ABR: variants seen among roughly 807,000 people sequenced by gnomAD.
ABR encodes the protein ABR activator of RhoGEF and GTPase.
A neutral mutation model predicts 107.2 loss-of-function variants in ABR; 35 were observed. The ratio of observed to expected loss-of-function variants is 0.33; its 90% CI spans 0.25 to 0.43. The LOEUF (loss-of-function observed/expected upper bound fraction) is 0.43. ABR is among the 20% of genes least tolerant of loss of function. The probability of loss-of-function intolerance (pLI) is 1.00; values close to 1 mark genes in which losing one functional copy is unlikely to be tolerated. For synonymous variants in ABR, 498 were observed against 462.0 expected, an observed-to-expected ratio of 1.08 and a Z score of -1.00; for missense variants, 815 against 1,115.2, an observed-to-expected ratio of 0.73 and a Z score of 3.83.
chr17:1,017,304 G>T (rs2071236372), intron 16 of ABR, among the ~76,000 whole-genome samples: 1 of 151,950 alleles, frequency 6.6e-6, no homozygotes, highest in Non-Finnish European at 1.5e-5. Context: ...CACACAGGCT[G>T]TCCCTCGTAG....
chr17:1,091,265 G>T (rs990945619), intron 4 of ABR, among the ~76,000 whole-genome samples: 1 of 152,092 alleles, frequency 6.6e-6, no homozygotes, highest in Non-Finnish European at 1.5e-5. Context: ...TTCCAGGGCT[G>T]GTTCCTCAGA....
intron 2 of ABR, among the ~76,000 whole-genome samples, chr17:1,101,792 G>A (rs917633702): frequency 2.7e-5 from 4 of 150,772 alleles, no homozygotes; most frequent in South Asian, 2.1e-4. Context: ...AGAGTGCAGT[G>A]GCGCGATCTC....
rs367705703 is a variant in ABR at position 1,211,974 on chromosome 17, C to T, written c.838+16819G>A. ...GCACAAGCCTGTAATCCCAGCTACTCGGGAGGCTGAGGCACAAGAATTGCT... is the reference window on the plus strand; with the variant it reads ...GCACAAGCCTGTAATCCCAGCTACTTGGGAGGCTGAGGCACAAGAATTGCT... On this transcript the variant is annotated intron_variant, in intron 1 of 22. Transcript: ENST00000574139. Among the ~76,000 whole-genome samples, 215 of 151,446 alleles carry T rather than the reference C, an allele frequency of 1.4e-3. 3 individuals are homozygous for T. The highest frequency in any genetic ancestry group is 4.1e-3 in the African/African-American group (168 of 41,186).
At position 1,057,006 on chromosome 17, in the gene ABR, T is replaced by C. The variant is rs1231868390; in HGVS notation, c.1478A>G (p.Asn493Ser). 6.2e-7 allele frequency: 1 copy of C among 1,607,260 alleles called. No homozygotes were observed. Among genetic ancestry groups the C allele is most frequent in the East Asian group, 2.2e-5 (1 of 44,642 alleles). Residue 493 changes from asparagine (N) to serine (S), a missense_variant, in exon 13 of 23, where the codon AAT becomes AGT. This residue lies in a region of ABR where 385 missense variants were observed against 596.9 expected (regional missense o/e 0.64). Coordinates refer to ENST00000302538, the MANE Select transcript of ABR (RefSeq NM_021962.5). ...CTGGTTCCCGAGCTTACCGTCTTTATTGCTGGTGACAGGAATGTTGTGTAC... is the reference window on the plus strand; with the variant it reads ...CTGGTTCCCGAGCTTACCGTCTTTACTGCTGGTGACAGGAATGTTGTGTAC... ...RTVHNIPVTS[N>S]KDDDESPGLY...
At chr17:1,083,661 A>AGGGT in intron 4 of ABR, 34 bp from the exon 5 acceptor site, 3 of 952,096 alleles carry the variant, frequency 3.2e-6, no homozygotes, top group Non-Finnish European at 4.9e-6. Flanking sequence ...GAGGGAGAGG[A>AGGGT]GGGTGGGAGG....
chr17:1,194,873 G>C (rs535492318), intron 1 of ABR, among the ~76,000 whole-genome samples: 1 of 89,758 alleles, frequency 1.1e-5, no homozygotes, highest in African/African-American at 3.4e-5. Flanking sequence ...GACTGGTCTC[G>C]AACTCCTGAC....
upstream of ABR, among the ~76,000 whole-genome samples, chr17:1,184,324 G>A (rs770337675): frequency 1.6e-4 from 24 of 151,976 alleles, no homozygotes; most frequent in Admixed American, 1.1e-3. Flanking sequence ...GCATGGTGGC[G>A]GGCGCCTGTA....
At chr17:1,227,953 ACTAAGAT>A (rs1439929264) in intron 1 of ABR, among the ~76,000 whole-genome samples, 1 of 152,198 alleles carries the variant, frequency 6.6e-6, no homozygotes, top group Non-Finnish European at 1.5e-5. Flanking sequence ...TTCAAAGATG[ACTAAGAT>A]CAGGCCCTGT....
At chr17:1,158,396 G>A (rs894970836) in intron 1 of ABR, among the ~76,000 whole-genome samples, 2 of 149,786 alleles carry the variant, frequency 1.3e-5, no homozygotes, top group East Asian at 2.1e-4. Flanking sequence ...GCGCCCAGCC[G>A]TCTCGTTAGT....
chr17:1,064,497 T>C (rs868558431), intron 10 of ABR, among the ~76,000 whole-genome samples: 1 of 114,678 alleles, frequency 8.7e-6, no homozygotes, highest in African/African-American at 3.1e-5. Flanking sequence ...TAGACACTGT[T>C]GTTATGTGAA....
chr17:1,155,973 AAG>A (rs1482839296), intron 1 of ABR: 45 of 151,178 alleles, frequency 3.0e-4, no homozygotes, highest in Non-Finnish European at 6.5e-4. Context: ...AAAAAAAAAA[AAG>A]GATAGGGTGG....
chr17:1,006,737 C>A (rs1411815772), intron 22 of ABR, among the ~76,000 whole-genome samples: 1 of 152,082 alleles, frequency 6.6e-6, no homozygotes. Context: ...GCTGGTCTCA[C>A]CCTCCGCCAG....
chr17:1,025,380 C>A (rs2072110016), intron 16 of ABR, among the ~76,000 whole-genome samples: 2 of 152,220 alleles, frequency 1.3e-5, no homozygotes, highest in African/African-American at 4.8e-5. Flanking sequence ...GTAAGTGTCA[C>A]CTCAGTTGCG....
At chr17:1,201,016 G>C (rs983201351) in intron 1 of ABR, among the ~76,000 whole-genome samples, 3 of 152,186 alleles carry the variant, frequency 2.0e-5, no homozygotes, top group Non-Finnish European at 2.9e-5. Context: ...AAGGAGGATG[G>C]GGGGAGGAAA....
chr17:1,161,400 C>A (rs931183068), intron 1 of ABR, among the ~76,000 whole-genome samples: 1 of 119,196 alleles, frequency 8.4e-6, no homozygotes, highest in African/African-American at 3.5e-5. Flanking sequence ...TTCCACCACA[C>A]CTGGCTAATT....
Position 1,179,481 on chromosome 17 carries a change from G to A in ABR, c.61+186C>T, listed in dbSNP as rs1219096320. On this transcript the variant is annotated intron_variant, in intron 1 of 22. Transcript: ENST00000302538. The surrounding 1 kb of genome is among the most constrained non-coding windows in gnomAD (Gnocchi z 4.9). ...AGCCCGGCTCCTGGGTCCCGACCCCGATCCCGATTCCCAACCCGACCCCGA... is the reference window on the plus strand; with the variant it reads ...AGCCCGGCTCCTGGGTCCCGACCCCAATCCCGATTCCCAACCCGACCCCGA... Among the ~76,000 whole-genome samples the A allele has an allele frequency of 6.7e-6, 1 of 149,672 alleles. No individual in the cohort carries two copies. The highest frequency in any genetic ancestry group is 1.5e-5 in the Non-Finnish European group (1 of 67,448).
intron 1 of ABR, among the ~76,000 whole-genome samples, chr17:1,158,240 T>G (rs2041122767): frequency 1.3e-5 from 2 of 151,950 alleles, no homozygotes; most frequent in African/African-American, 4.8e-5. Flanking sequence ...TTCTTTTTAT[T>G]CTTTTTTTAA....
intron 16 of ABR, among the ~76,000 whole-genome samples, chr17:1,021,541 C>T (rs975151715): frequency 4.6e-5 from 7 of 152,230 alleles, no homozygotes; most frequent in African/African-American, 7.2e-5. Flanking sequence ...TGCGGTGGCT[C>T]ACGCCTGTCA....
At chr17:1,031,370 G>A (rs867692838) in intron 16 of ABR, among the ~76,000 whole-genome samples, 19 of 152,314 alleles carry the variant, frequency 1.2e-4, no homozygotes, top group South Asian at 1.0e-3. Context: ...CCCTTCTCCC[G>A]AGGCAGGGGC....
Sources: allele counts gnomAD v4.1 joint callset (sites outside exome capture counted in the v4.1 genomes callset), GRCh38; gene constraint gnomAD v4.1.1; regional missense constraint gnomAD v4.1.1; non-coding constraint Gnocchi (gnomAD v3.1); transcripts MANE v1.5; gene names NCBI Gene and HGNC (gene_info 2026-07-23, HGNC 2026-07-21).